Variants in DMXL2 observed in about 807,000 individuals in gnomAD.
DMXL2 encodes the protein dmX-like protein 2.
DMXL2 carries 103 observed loss-of-function variants against 331.1 expected under a neutral mutation model. The ratio of observed to expected loss-of-function variants is 0.31; its 90% CI spans 0.27 to 0.37. The LOEUF is 0.37. Ranked by LOEUF, DMXL2 falls within the 10% of genes least tolerant of loss-of-function variation. The pLI is 1.00. For missense variants in DMXL2, 3,171 were observed against 3,642.9 expected (o/e 0.87, Z 3.33); for synonymous variants, 1,281 against 1,252.1 (o/e 1.02, Z -0.49).
intron 1 of DMXL2, among the ~76,000 whole-genome samples, chr15:51,591,032 A>G (rs570186068): frequency 6.6e-6 from 1 of 152,320 alleles, no homozygotes; most frequent in African/African-American, 2.4e-5. Context: ...TGATTTCTGC[A>G]TTTCCAACTG....
intron 15 of DMXL2, among the ~76,000 whole-genome samples, chr15:51,511,846 A>G (rs1166228650): frequency 2.6e-5 from 4 of 152,210 alleles, no homozygotes; most frequent in Non-Finnish European, 5.9e-5. Context: ...TACACCATGG[A>G]ATACTATGCA....
At chr15:51,480,283 T>A in intron 24 of DMXL2, 144 bp from the exon 25 acceptor site, 1 of 876,722 alleles carries the variant, frequency 1.1e-6, no homozygotes, top group South Asian at 2.1e-5. Context: ...ACCCAGTATG[T>A]ACCAGGTACT....
At chr15:51,512,007 CAG>C (rs2046784539) in intron 15 of DMXL2, among the ~76,000 whole-genome samples, 1 of 151,878 alleles carries the variant, frequency 6.6e-6, no homozygotes, top group South Asian at 2.1e-4. Flanking sequence ...CACACAGACA[CAG>C]GGAAGGGAAC....
intron 8 of DMXL2, among the ~76,000 whole-genome samples, chr15:51,543,417 G>A (rs2048714085): frequency 6.6e-6 from 1 of 152,118 alleles, no homozygotes. Flanking sequence ...ACAGTATCAG[G>A]TCAATGGTGT....
At chr15:51,530,988 C>T (rs1195864069) in intron 13 of DMXL2, among the ~76,000 whole-genome samples, 1 of 152,106 alleles carries the variant, frequency 6.6e-6, no homozygotes, top group African/African-American at 2.4e-5. Flanking sequence ...AATGCAATCC[C>T]TATAAAAACA....
Position 51,454,406 on chromosome 15 carries a change from T to A in DMXL2, c.8604+745A>T, listed in dbSNP as rs573660984. ...ATCTTCATCACCAACTATTTTGTAA[T>A]CCAATTTGGATTAAGGTGGCTCATT... is the stretch of plus-strand genomic sequence containing the variant. On this transcript the variant is annotated intron_variant, in intron 40 of 43. Transcript: ENST00000560891. Among the ~76,000 whole-genome samples the A allele has an allele frequency of 3.3e-5, 5 of 152,246 alleles. No individual in the cohort carries two copies. The East Asian group carries it at 5.8e-4, about 18-fold the overall frequency.
chr15:51,526,476 C>G (rs941017432), intron 13 of DMXL2, among the ~76,000 whole-genome samples: 1 of 152,192 alleles, frequency 6.6e-6, no homozygotes, highest in Non-Finnish European at 1.5e-5. Flanking sequence ...ATACCTAACT[C>G]CTCAATGTCC....
chr15:51,478,225 T>A, intron 26 of DMXL2, 46 bp downstream of exon 26: 8 of 1,498,570 alleles, frequency 5.3e-6, no homozygotes, highest in Non-Finnish European at 7.4e-6. Flanking sequence ...TGGAACAGTT[T>A]AATGTTTTTG....
chr15:51,450,299 T>C lies in DMXL2; in HGVS notation c.8797A>G (p.Lys2933Glu), dbSNP rs767120320. ...CCCCCCGAGATTAGGAGTTGCTGTT[T>C]GGGTGCATACTGCAGTACCGTGGCA... is the stretch of plus-strand genomic sequence containing the variant. Reference protein sequence around the residue: ...HGATVLQYAPKQQLLISGGRK... With the variant: ...HGATVLQYAPEQQLLISGGRK... The change falls in exon 43 of 44, where the codon AAA becomes GAA. Residue 2933 changes from lysine (K) to glutamate (E), a missense_variant. Physicochemically the swap from Lys to Glu is moderately conservative, Grantham distance 56. Transcript: ENST00000560891. 5 of 1,614,036 alleles carry C rather than the reference T, an allele frequency of 3.1e-6. No individual in the cohort carries two copies. The South Asian group carries it at 4.4e-5, about 14-fold the overall frequency.
chr15:51,477,801 A>G (rs2041704396), intron 26 of DMXL2, among the ~76,000 whole-genome samples: 1 of 152,110 alleles, frequency 6.6e-6, no homozygotes, highest in African/African-American at 2.4e-5. Flanking sequence ...AATTGATATC[A>G]CTTCCAAAGA....
At chr15:51,608,818 G>C (rs2414109) in intron 1 of DMXL2, among the ~76,000 whole-genome samples, 72,729 of 151,932 alleles carry the variant, frequency 0.48, 17,788 homozygotes, top group Non-Finnish European at 0.52. Context: ...CTAACAGATT[G>C]ATACCAAGGA....
At chr15:51,521,502 C>T (rs528591677) in intron 13 of DMXL2, among the ~76,000 whole-genome samples, 3 of 150,336 alleles carry the variant, frequency 2.0e-5, no homozygotes, top group African/African-American at 7.3e-5. Flanking sequence ...GCATTTTTTT[C>T]AGGTTAAATA....
At chr15:51,511,563 G>A (rs2046757138) in intron 15 of DMXL2, among the ~76,000 whole-genome samples, 1 of 152,222 alleles carries the variant, frequency 6.6e-6, no homozygotes, top group South Asian at 2.1e-4. Flanking sequence ...AGGATGTGGA[G>A]AAACAGGAAG....
At chr15:51,605,335 G>T (rs1409933790) in intron 1 of DMXL2, among the ~76,000 whole-genome samples, 1 of 151,942 alleles carries the variant, frequency 6.6e-6, no homozygotes, top group Non-Finnish European at 1.5e-5. Context: ...CAAGTGGCTG[G>T]GACTACAGGC....
At position 51,499,042 on chromosome 15, in the gene DMXL2, A is replaced by G; in HGVS notation, c.4182T>C (p.His1394=). ...CACTTACACTAATAGTTCGAGAGAG[A>G]TGTCGCTTAGTTCCTTCTCCAGCAT... ...DPDAGEGTKR[H]LSRTISVSGS... Residue 1394 remains histidine, a synonymous_variant, in exon 18 of 44, where the codon CAT becomes CAC. Transcript: ENST00000560891. The G allele has an allele frequency of 6.2e-7, 1 of 1,613,932 alleles. No homozygotes were observed.
intron 14 of DMXL2, among the ~76,000 whole-genome samples, chr15:51,514,787 G>A (rs1221361904): frequency 6.8e-6 from 1 of 146,704 alleles, no homozygotes; most frequent in Non-Finnish European, 1.5e-5. Context: ...GAATAGAAGA[G>A]CTCTAGTACA....
chr15:51,498,517 G>A lies in DMXL2; in HGVS notation c.4672+35C>T, dbSNP rs143139620. The A allele has an allele frequency of 1.7e-3, 2,691 of 1,575,126 alleles. 30 individuals carry two copies. In the African/African-American group the frequency reaches 0.033, roughly 19 times the overall value. On this transcript the variant is annotated intron_variant, in intron 18 of 43. Coordinates refer to ENST00000560891, the MANE Select transcript of DMXL2 (RefSeq NM_001378457.1). ...GAGATAATACAAATATTTCTATTAG[G>A]TACAACTTTATAAATTTTTAGCGAG... is the stretch of plus-strand genomic sequence containing the variant.
chr15:51,547,885 G>C (rs967134967), intron 6 of DMXL2, among the ~76,000 whole-genome samples: 1 of 152,144 alleles, frequency 6.6e-6, no homozygotes, highest in African/African-American at 2.4e-5. Flanking sequence ...CAAAGGGCCA[G>C]ATGGTAAATA....
At chr15:51,596,218 C>T (rs902940201) in intron 1 of DMXL2, among the ~76,000 whole-genome samples, 11 of 151,922 alleles carry the variant, frequency 7.2e-5, no homozygotes, top group Non-Finnish European at 8.8e-5. Flanking sequence ...TCAAACAAAT[C>T]TACAAGAAAA....
Sources: gnomAD v4.1 joint callset for allele counts (sites outside exome capture counted in the v4.1 genomes callset) on GRCh38, gnomAD v4.1.1 for gene constraint, MANE v1.5 for transcripts, NCBI Gene and HGNC (gene_info 2026-07-23, HGNC 2026-07-21) for gene names.